Variants in DCC observed in about 807,000 individuals in gnomAD.
DCC encodes the protein DCC netrin 1 receptor.
DCC carries 58 observed loss-of-function variants against 172.5 expected under a neutral mutation model. The ratio of observed to expected loss-of-function variants is 0.34; its 90% CI spans 0.27 to 0.42. The LOEUF (loss-of-function observed/expected upper bound fraction) is 0.42, where lower values mean the gene tolerates loss of function less well. DCC is among the 10% of genes least tolerant of loss of function. The probability of loss-of-function intolerance (pLI) is 1.00; values close to 1 mark genes in which losing one functional copy is unlikely to be tolerated. For missense variants in DCC, 1,740 were observed against 1,791.0 expected (o/e 0.97, Z 0.51); for synonymous variants, 709 against 644.5 (o/e 1.10, Z -1.52).
intron 5 of DCC, among the ~76,000 whole-genome samples, chr18:53,025,525 T>G (rs2041943416): frequency 6.6e-6 from 1 of 152,096 alleles, no homozygotes; most frequent in Non-Finnish European, 1.5e-5. Context: ...GATTCAACTG[T>G]GATATGGAAG....
chr18:53,197,202 G>C (rs1270822125), intron 9 of DCC, among the ~76,000 whole-genome samples: 1 of 151,970 alleles, frequency 6.6e-6, no homozygotes, highest in Non-Finnish European at 1.5e-5. Context: ...AGAGCTTTGT[G>C]GTCTAAATCC....
chr18:52,575,306 G>T (rs999473700), intron 1 of DCC, among the ~76,000 whole-genome samples: 2 of 152,142 alleles, frequency 1.3e-5, no homozygotes, highest in Admixed American at 1.3e-4. Flanking sequence ...CATACTCTAT[G>T]CTTATACTAA....
chr18:52,969,576 C>T (rs1351314629), intron 5 of DCC, among the ~76,000 whole-genome samples: 2 of 84,354 alleles, frequency 2.4e-5, no homozygotes, highest in Non-Finnish European at 5.4e-5. Flanking sequence ...TTATTTGCCC[C>T]GCCCCCCACT....
At chr18:52,473,319 C>T (rs1655715497) in intron 1 of DCC, among the ~76,000 whole-genome samples, 2 of 152,166 alleles carry the variant, frequency 1.3e-5, no homozygotes, top group South Asian at 4.1e-4. Flanking sequence ...AGTTAAAATG[C>T]TAGGATTCTA....
chr18:53,240,026 TA>T (rs68158437), intron 12 of DCC, among the ~76,000 whole-genome samples: 6,473 of 69,104 alleles, frequency 0.094, 166 homozygotes, highest in African/African-American at 0.16. Context: ...GTTCTAGAGT[TA>T]AAAAAAAAAA....
Position 52,935,273 on chromosome 18 carries a change from C to T in DCC, c.985+9903C>T, listed in dbSNP as rs571533846. On this transcript the variant is annotated intron_variant, in intron 5 of 28. Transcript: ENST00000442544. Reference sequence around the variant, plus strand: ...GATCCTTATAAATTTGATGTCCTTTCATCTTATTTTTGTTCGCTATCATCC... The same window carrying T: ...GATCCTTATAAATTTGATGTCCTTTTATCTTATTTTTGTTCGCTATCATCC... Among the ~76,000 whole-genome samples, 16 of 152,106 alleles carry T rather than the reference C, an allele frequency of 1.1e-4. 1 individual carries two copies. Among genetic ancestry groups the T allele is most frequent in the African/African-American group, 3.6e-4 (15 of 41,522 alleles).
intron 7 of DCC, among the ~76,000 whole-genome samples, chr18:53,153,588 T>C (rs1334116322): frequency 1.3e-5 from 2 of 152,216 alleles, no homozygotes; most frequent in East Asian, 1.9e-4. Context: ...ATTTGTCAAG[T>C]TGAACCCCAC....
rs2046523471 is a variant in DCC, at chr18:53,531,329, T to G, written c.*676T>G. On this transcript the variant is annotated 3_prime_UTR_variant, in exon 29 of 29. Transcript: ENST00000442544. ...CCTTGGTTAATATGTATGTCTGGAG[T>G]CCAGGAATATAAAAATCTGCAACTA... 1 of 155,370 alleles carries G rather than the reference T, an allele frequency of 6.4e-6. No homozygotes were observed. The highest frequency in any genetic ancestry group is 2.4e-5 in the African/African-American group (1 of 41,430). 9.6% of individuals were successfully genotyped at this position (155,370 alleles called of 1,614,324 possible). A position where few individuals can be genotyped will look rare whatever the true frequency, so the allele number is the denominator to read the frequency against.
intron 12 of DCC, among the ~76,000 whole-genome samples, chr18:53,246,535 C>T (rs760819161): frequency 6.6e-6 from 1 of 151,104 alleles, no homozygotes. Flanking sequence ...AAAAAAAAAA[C>T]AGGTGAATTA....
chr18:52,608,982 A>G (rs1402036420), intron 1 of DCC, among the ~76,000 whole-genome samples: 2 of 152,204 alleles, frequency 1.3e-5, no homozygotes, highest in African/African-American at 2.4e-5. Flanking sequence ...CATAAACTCC[A>G]GTGAGTATTT....
intron 15 of DCC, among the ~76,000 whole-genome samples, chr18:53,362,397 G>T (rs2057957679): frequency 6.6e-6 from 1 of 152,136 alleles, no homozygotes; most frequent in Non-Finnish European, 1.5e-5. Context: ...ATGGGAGCCG[G>T]AAGTGCTTTA....
chr18:52,408,635 T>C (rs1190560424), intron 1 of DCC, among the ~76,000 whole-genome samples: 2 of 152,110 alleles, frequency 1.3e-5, no homozygotes, highest in African/African-American at 4.8e-5. Flanking sequence ...TAGTTTGTTA[T>C]TTTATATTCC....
At chr18:52,943,092 T>A (rs2040488964) in intron 5 of DCC, among the ~76,000 whole-genome samples, 1 of 152,196 alleles carries the variant, frequency 6.6e-6, no homozygotes, top group South Asian at 2.1e-4. Flanking sequence ...TTTTGATGTT[T>A]GTTTGTATCT....
chr18:53,481,010 T>A (rs2045825314), intron 25 of DCC: 1 of 152,176 alleles, frequency 6.6e-6, no homozygotes, highest in Admixed American at 6.6e-5. Context: ...TGCCAGCCTG[T>A]CCTTAAGACA....
intron 1 of DCC, among the ~76,000 whole-genome samples, chr18:52,614,238 T>A (rs1177333458): frequency 2.6e-5 from 4 of 152,176 alleles, no homozygotes; most frequent in African/African-American, 9.7e-5. Flanking sequence ...GTGGACGAAG[T>A]GTACTAAACT....
At chr18:52,730,251 G>T (rs1258832707) in intron 1 of DCC, among the ~76,000 whole-genome samples, 1 of 152,074 alleles carries the variant, frequency 6.6e-6, no homozygotes, top group Non-Finnish European at 1.5e-5. Flanking sequence ...GAAGGGAAAG[G>T]TACTGGGATC....
chr18:52,565,554 C>A (rs1330590308), intron 1 of DCC, among the ~76,000 whole-genome samples: 1 of 152,172 alleles, frequency 6.6e-6, no homozygotes, highest in Non-Finnish European at 1.5e-5. Context: ...GAGATGGTAT[C>A]TCATTGTGGT....
intron 27 of DCC, among the ~76,000 whole-genome samples, chr18:53,500,890 C>G (rs1020985912): frequency 6.6e-6 from 1 of 152,060 alleles, no homozygotes; most frequent in Non-Finnish European, 1.5e-5. Context: ...TCTCCACCCT[C>G]CCATGCATAC....
chr18:53,162,078 C>A (rs772161773), intron 8 of DCC, among the ~76,000 whole-genome samples: 1 of 152,068 alleles, frequency 6.6e-6, no homozygotes, highest in South Asian at 2.1e-4. Context: ...GTGAGTGGAT[C>A]ATTTGAGGTC....
Sources: allele counts gnomAD v4.1 joint callset (sites outside exome capture counted in the v4.1 genomes callset), GRCh38; gene constraint gnomAD v4.1.1; transcripts MANE v1.5; gene names NCBI Gene and HGNC (gene_info 2026-07-23, HGNC 2026-07-21).